SYT3: variants seen among roughly 807,000 people sequenced by gnomAD.
The protein encoded by SYT3 is synaptotagmin 3, also known as synaptotagmin-3.
In SYT3, 25 loss-of-function variants were observed where a neutral mutation model predicts 50.6. The observed-to-expected ratio is 0.49, with a 90% confidence interval of 0.36 to 0.69. SYT3 has a LOEUF of 0.69. Among genes scored for constraint, SYT3 ranks in the 30% least tolerant of loss-of-function variants. The probability of loss-of-function intolerance (pLI) is 0.00; values close to 1 mark genes in which losing one functional copy is unlikely to be tolerated. For missense variants in SYT3, 589 were observed against 793.6 expected (o/e 0.74, Z 3.10); for synonymous variants, 323 against 353.9 (o/e 0.91, Z 0.98).
intron 4 of SYT3, among the ~76,000 whole-genome samples, chr19:50,631,818 G>A (rs1984316866): frequency 6.6e-6 from 1 of 152,066 alleles, no homozygotes; most frequent in Admixed American, 6.5e-5. Flanking sequence ...GGAGGGCAGA[G>A]TCTGGTGTTT....
rs978964444 is a variant in SYT3 at position 50,639,828 on chromosome 19, G to C, written c.-192C>G. The C allele has an allele frequency of 2.0e-5, 3 of 150,924 alleles. No individual in the cohort carries two copies. The highest frequency in any genetic ancestry group is 7.8e-5 in the African/African-American group (3 of 38,490). 9.3% of individuals were successfully genotyped at this position (150,924 alleles called of 1,614,324 possible). ...TGCCGCCGCTGCCGCCGCCGCCGCC[G>C]CCGCAGCCCCGCGCGCCAGCCGCGG... On this transcript the variant is annotated 5_prime_UTR_variant, in exon 1 of 11. Coordinates refer to ENST00000600079, the MANE Select transcript of SYT3 (RefSeq NM_001160329.2). This position sits in a 1 kb window ranked among gnomAD's most constrained non-coding sequence, Gnocchi z 4.6.
At chr19:50,634,538 C>T (rs1161815572) in intron 3 of SYT3, among the ~76,000 whole-genome samples, 1 of 149,394 alleles carries the variant, frequency 6.7e-6, no homozygotes, top group Non-Finnish European at 1.5e-5. Flanking sequence ...GGCAGAAGAA[C>T]TCTGGGTTTC....
At chr19:50,627,141 C>T (rs930858900) in intron 6 of SYT3, among the ~76,000 whole-genome samples, 2 of 152,188 alleles carry the variant, frequency 1.3e-5, no homozygotes, top group Non-Finnish European at 2.9e-5. Flanking sequence ...ACCAACCTGG[C>T]CTAGCCCTGC....
chr19:50,644,489 G>A (rs914370430), upstream of SYT3, among the ~76,000 whole-genome samples: 2 of 152,034 alleles, frequency 1.3e-5, no homozygotes, highest in Non-Finnish European at 2.9e-5. Flanking sequence ...GGATAGATTG[G>A]TGGATAGATG....
At chr19:50,629,194 C>T (rs1184682016) in intron 6 of SYT3, 100 bp downstream of exon 6, 4 of 923,218 alleles carry the variant, frequency 4.3e-6, no homozygotes, top group African/African-American at 3.3e-5. Flanking sequence ...AATGTGGGGA[C>T]AAGAAGTGAG....
Position 50,639,556 on chromosome 19 carries a change from C to T in SYT3, c.-154+234G>A, listed in dbSNP as rs1372617635. Among the ~76,000 whole-genome samples the T allele has an allele frequency of 6.6e-6, 1 of 152,140 alleles. No homozygotes were observed. Among genetic ancestry groups the T allele is most frequent in the East Asian group, 1.9e-4 (1 of 5,158 alleles). The stretch of plus-strand genomic sequence containing the variant: ...GGGCCACGGAATGAGGAAACGATCC[C>T]CCCGCGCTGGGGATCGGTGGGCGAG... On this transcript the variant is annotated intron_variant, in intron 1 of 10. Transcript: ENST00000600079. This position sits in a 1 kb window ranked among gnomAD's most constrained non-coding sequence, Gnocchi z 4.6.
At chr19:50,643,712 T>G (rs1364035047), upstream of SYT3, among the ~76,000 whole-genome samples, 3 of 152,096 alleles carry the variant, frequency 2.0e-5, no homozygotes, top group Admixed American at 6.6e-5. Context: ...CCAGGCATTT[T>G]TTTTTTTAGA....
At chr19:50,624,868 T>C (rs1983984984) in intron 9 of SYT3, 1 of 312,338 alleles carries the variant, frequency 3.2e-6, no homozygotes, top group Non-Finnish European at 5.8e-6. Flanking sequence ...ATTTTCAACT[T>C]AGCCTCATGG....
chr19:50,622,778 T>C, intron 9 of SYT3, 23 bp from the exon 10 acceptor site: 3 of 795,134 alleles, frequency 3.8e-6, no homozygotes, highest in Non-Finnish European at 6.7e-6. Context: ...GTGCAGAAGG[T>C]TCGGGAGTGA....
At chr19:50,647,119 C>T in the SYT3 span, among the ~76,000 whole-genome samples, 1,389 of 152,040 alleles carry the variant, frequency 9.1e-3, 10 homozygotes, top group African/African-American at 0.031. Context: ...TGTGAGCCAC[C>T]GCGCCTGGCT....
intron 9 of SYT3, among the ~76,000 whole-genome samples, chr19:50,623,516 G>A (rs1031921271): frequency 1.3e-5 from 2 of 149,366 alleles, no homozygotes; most frequent in Non-Finnish European, 3.0e-5. Context: ...GGTGGCTCAC[G>A]CCTATAATCC....
chr19:50,629,449 C>T lies in SYT3; in HGVS notation c.1126G>A (p.Glu376Lys), dbSNP rs375139764. The T allele has an allele frequency of 5.0e-6, 8 of 1,613,900 alleles. No homozygotes were observed. Among genetic ancestry groups the T allele is most frequent in the Middle Eastern group, 1.6e-4 (1 of 6,082 alleles). Residue 376 changes from glutamate to lysine, a missense_variant, in exon 6 of 11, where the codon GAG becomes AAG. Coordinates refer to ENST00000600079, the MANE Select transcript of SYT3 (RefSeq NM_001160329.2). The stretch of plus-strand genomic sequence containing the variant: ...AAGTGCAGTTTGCGTTGGGCCAGCT[C>T]GGCCAGGGGCACCGAGAATTGAAAC... ...ETFQFSVPLA[E>K]LAQRKLHFSV... is the part of the protein sequence containing the mutation.
intron 3 of SYT3, among the ~76,000 whole-genome samples, chr19:50,636,462 G>A (rs1984497620): frequency 6.6e-6 from 1 of 152,154 alleles, no homozygotes; most frequent in Admixed American, 6.6e-5. Context: ...CCTCATGACT[G>A]TCACCTGGAC....
At chr19:50,635,110 G>GT (rs1984454406) in intron 3 of SYT3, among the ~76,000 whole-genome samples, 2 of 151,830 alleles carry the variant, frequency 1.3e-5, no homozygotes, top group South Asian at 4.2e-4. Context: ...TAGAGATAGG[G>GT]TTTTACCATG....
chr19:50,652,403 C>T, the SYT3 span, among the ~76,000 whole-genome samples: 6 of 152,088 alleles, frequency 3.9e-5, no homozygotes, highest in African/African-American at 4.8e-5. Context: ...ATTAGGGAAT[C>T]ATAGAAATAA....
intron 6 of SYT3, among the ~76,000 whole-genome samples, chr19:50,628,825 CTT>C (rs11418879): frequency 1.0e-4 from 14 of 136,172 alleles, no homozygotes; most frequent in East Asian, 8.4e-4. Context: ...ATTATCTGTT[CTT>C]TTTTTTTTTT....
At chr19:50,649,162 G>A in the SYT3 span, among the ~76,000 whole-genome samples, 1 of 149,524 alleles carries the variant, frequency 6.7e-6, no homozygotes, top group Non-Finnish European at 1.5e-5. Context: ...AGGAAGGGAG[G>A]TGGAGAGAGA....
chr19:50,628,802 T>C (rs904888357), intron 6 of SYT3, among the ~76,000 whole-genome samples: 3 of 150,460 alleles, frequency 2.0e-5, no homozygotes, highest in African/African-American at 7.3e-5. Flanking sequence ...AGAGGAATGG[T>C]GTCCACTGTA....
intron 6 of SYT3, among the ~76,000 whole-genome samples, chr19:50,628,753 C>T (rs956970971): frequency 2.6e-5 from 4 of 151,220 alleles, no homozygotes; most frequent in African/African-American, 7.3e-5. Flanking sequence ...GTTGGAAAAT[C>T]GGATCCAGAC....
Sources: gnomAD v4.1 joint callset for allele counts (sites outside exome capture counted in the v4.1 genomes callset) on GRCh38, gnomAD v4.1.1 for gene constraint, Gnocchi (gnomAD v3.1) non-coding constraint, MANE v1.5 for transcripts, NCBI Gene and HGNC (gene_info 2026-07-23, HGNC 2026-07-21) for gene names.